Variants in UQCRB observed in about 807,000 individuals in gnomAD.
UQCRB encodes the protein cytochrome b-c1 complex subunit 7.
A neutral mutation model predicts 19.8 loss-of-function variants in UQCRB; 12 were observed. The ratio of observed to expected loss-of-function variants is 0.61; its 90% confidence interval spans 0.39 to 0.98. The LOEUF (loss-of-function observed/expected upper bound fraction) is 0.98. Among genes scored for constraint, UQCRB ranks in the 50% least tolerant of loss-of-function variants. The probability of loss-of-function intolerance (pLI) is 0.00; values close to 1 mark genes in which losing one functional copy is unlikely to be tolerated. For synonymous variants in UQCRB, 39 were observed against 42.9 expected, an observed-to-expected ratio of 0.91 and a Z score of 0.35; for missense variants, 142 against 131.8, an observed-to-expected ratio of 1.08 and a Z score of -0.38.
At position 96,229,325 on chromosome 8, in the gene UQCRB, C is replaced by A. The variant is rs1184007216; in HGVS notation, c.*1730G>T. 5 of 453,928 alleles carry A rather than the reference C, an allele frequency of 1.1e-5. No individual in the cohort carries two copies. The highest frequency in any genetic ancestry group is 1.0e-4 in the African/African-American group (5 of 49,972). The allele number at this position is 453,928 out of a possible 1,614,324, so 28.1% of individuals were successfully genotyped here. A position where few individuals can be genotyped will look rare whatever the true frequency, so the allele number is the denominator to read the frequency against. On this transcript the variant is annotated 3_prime_UTR_variant, in exon 4 of 4. Coordinates refer to ENST00000287022, the MANE Select transcript of UQCRB (RefSeq NM_006294.5). ...TTGTTCCCCTGTCCTTCAGCAGTGCCCTTAGGCTTGCTTTAAACATTAACA... is the reference window on the plus strand; with the variant it reads ...TTGTTCCCCTGTCCTTCAGCAGTGCACTTAGGCTTGCTTTAAACATTAACA...
At position 96,229,300 on chromosome 8, in the gene UQCRB, T is replaced by G. The variant is rs16918565; in HGVS notation, c.*1755A>C. 2,504 of 454,114 alleles carry G rather than the reference T, an allele frequency of 5.5e-3. 57 individuals are homozygous for G. Among genetic ancestry groups the G allele is most frequent in the African/African-American group, 0.044 (2,227 of 50,120 alleles). 28.1% of individuals were successfully genotyped at this position (454,114 alleles called of 1,614,324 possible). On this transcript the variant is annotated 3_prime_UTR_variant, in exon 4 of 4. Transcript: ENST00000287022. ...ATACCTCAGTCTTGGTCAGTTCTAT[T>G]TGTTCCCCTGTCCTTCAGCAGTGCC...
In UQCRB at chr8:96,226,866, G is replaced by A. The variant is rs2129775398; in HGVS notation, c.*4189C>T. ...CCTCTGGAATATTAACAGGCTTTCT[G>A]ACATCTATGCTAAAAATTAACCACC... On this transcript the variant is annotated 3_prime_UTR_variant, in exon 4 of 4. Transcript: ENST00000287022. 1 of 452,132 alleles carries A rather than the reference G, an allele frequency of 2.2e-6. No homozygotes were observed. The highest frequency in any genetic ancestry group is 1.6e-5 in the South Asian group (1 of 63,698). 28.0% of individuals were successfully genotyped at this position (452,132 alleles called of 1,614,324 possible). A position where few individuals can be genotyped will look rare whatever the true frequency, so the allele number is the denominator to read the frequency against.
Position 96,231,927 on chromosome 8 carries a change from A to G in UQCRB, c.105T>C (p.Asp35=). 1 of 1,613,358 alleles carries G rather than the reference A, an allele frequency of 6.2e-7. No individual in the cohort carries two copies. Among genetic ancestry groups the G allele is most frequent in the Non-Finnish European group, 8.5e-7 (1 of 1,179,998 alleles). Residue 35 remains aspartate (D), a synonymous_variant, in exon 3 of 4, where the codon GAT becomes GAC. Coordinates refer to ENST00000287022, the MANE Select transcript of UQCRB (RefSeq NM_006294.5). ...AGFNKLGLMR[D]DTIYEDEDVK... ...CATCTTCATCCTCGTATATTGTATC[A>G]TCTCGCATTAACCCTATGATAGATG...
intron 1 of UQCRB, chr8:96,233,494 G>A (rs1809724905): frequency 9.3e-6 from 4 of 432,282 alleles, no homozygotes; most frequent in Non-Finnish European, 1.7e-5. Context: ...GGCAAGTCAT[G>A]AAAGAAAAGG....
chr8:96,232,965 A>C (rs777496559), intron 2 of UQCRB, 191 bp downstream of exon 2: 2 of 588,116 alleles, frequency 3.4e-6, no homozygotes, highest in South Asian at 2.2e-5. Context: ...CTCTTCTCTC[A>C]AAAAAACTTT....
rs117580915 is a variant in UQCRB, at chr8:96,226,565, A to G, written c.*4490T>C. On this transcript the variant is annotated 3_prime_UTR_variant, in exon 4 of 4. Coordinates refer to ENST00000287022, the MANE Select transcript of UQCRB (RefSeq NM_006294.5). The stretch of plus-strand genomic sequence containing the variant: ...AAAAATTGTAAGCTGACTCCTTTGT[A>G]AAACAAATAATTATCTTTTTTTGGT... 2,436 of 235,492 alleles carry G rather than the reference A, an allele frequency of 0.01. 24 individuals are homozygous for G. Among genetic ancestry groups the G allele is most frequent in the Non-Finnish European group, 0.015 (1,798 of 118,696 alleles). The allele number at this position is 235,492 out of a possible 1,614,324, so 14.6% of individuals were successfully genotyped here. A position where few individuals can be genotyped will look rare whatever the true frequency, so the allele number is the denominator to read the frequency against.
rs758398153 is a variant in UQCRB at position 96,235,519 on chromosome 8, C to T, written c.12G>A (p.Lys4=). The change falls in exon 1 of 4, where the codon AAG becomes AAA. Residue 4 remains lysine, a synonymous_variant. Transcript: ENST00000287022. ...AGACCCCCAGTTACTTACCGGCCTG[C>T]TTACCAGCCATTTTGACCAGAAAGA... The part of the protein sequence containing the change: MAG[K]QAVSASGKWL... 5.0e-6 allele frequency: 8 copies of T among 1,614,096 alleles called. No homozygotes were observed. In the East Asian group the frequency reaches 1.6e-4, roughly 31 times the overall value.
chr8:96,235,001 C>A (rs1407359170), intron 1 of UQCRB: 1 of 230,882 alleles, frequency 4.3e-6, no homozygotes, highest in Non-Finnish European at 8.8e-6. Flanking sequence ...TTGAGAAGCG[C>A]GAGGGGTGCA....
chr8:96,229,097 T>C lies in UQCRB; in HGVS notation c.*1958A>G, dbSNP rs1374965144. ...CATAATTTATAATGAACACAAAACATTGATCTAGTGTTCAAAGAACTTTTG... is the reference window on the plus strand; with the variant it reads ...CATAATTTATAATGAACACAAAACACTGATCTAGTGTTCAAAGAACTTTTG... On this transcript the variant is annotated 3_prime_UTR_variant, in exon 4 of 4. Transcript: ENST00000287022. 4.4e-6 allele frequency: 2 copies of C among 453,936 alleles called. No individual in the cohort carries two copies. The highest frequency in any genetic ancestry group is 1.6e-5 in the South Asian group (1 of 64,486). The allele number at this position is 453,936 out of a possible 1,614,324, so 28.1% of individuals were successfully genotyped here. A position where few individuals can be genotyped will look rare whatever the true frequency, so the allele number is the denominator to read the frequency against.
rs1355613243 is a variant in UQCRB, at chr8:96,227,203, T to C, written c.*3852A>G. 1 of 453,344 alleles carries C rather than the reference T, an allele frequency of 2.2e-6. No homozygotes were observed. Among genetic ancestry groups the C allele is most frequent in the Non-Finnish European group, 4.4e-6 (1 of 226,432 alleles). The allele number at this position is 453,344 out of a possible 1,614,324, so 28.1% of individuals were successfully genotyped here. A position where few individuals can be genotyped will look rare whatever the true frequency, so the allele number is the denominator to read the frequency against. On this transcript the variant is annotated 3_prime_UTR_variant, in exon 4 of 4. Coordinates refer to ENST00000287022, the MANE Select transcript of UQCRB (RefSeq NM_006294.5). ...GAAGTAATAAAATCCTGAAACTAAA[T>C]AACATCTCATAATTCATTGCACAAC...
intron 2 of UQCRB, 52 bp downstream of exon 2, chr8:96,233,104 A>C (rs1809713616): frequency 3.8e-6 from 6 of 1,574,024 alleles, no homozygotes; most frequent in Middle Eastern, 2.0e-4. Flanking sequence ...CAAAAAAAAA[A>C]ACAAAGAAAC....
intron 1 of UQCRB, chr8:96,233,434 T>C: frequency 1.9e-6 from 1 of 538,152 alleles, no homozygotes; most frequent in Non-Finnish European, 3.2e-6. Flanking sequence ...AAAATGTTGA[T>C]AAAAAGTGCT....
At chr8:96,231,360 G>C (rs1202647622) in intron 3 of UQCRB, 1 of 1,543,636 alleles carries the variant, frequency 6.5e-7, no homozygotes, top group Non-Finnish European at 8.7e-7. Flanking sequence ...GGAAGAAAAA[G>C]AAATGAATGT....
Position 96,233,243 on chromosome 8 carries a change from C to G in UQCRB, c.20-16G>C, listed in dbSNP as rs556198728. ...GATGCTGAAACTGATAATTGTCACA[C>G]TGTTAATTGCTACAATTTAATTATA... On this transcript the variant is annotated splice_polypyrimidine_tract_variant and intron_variant, in intron 1 of 3. Coordinates refer to ENST00000287022, the MANE Select transcript of UQCRB (RefSeq NM_006294.5). 75 of 1,612,094 alleles carry G rather than the reference C, an allele frequency of 4.7e-5. 1 individual carries two copies. The East Asian group carries it at 1.2e-3, about 26-fold the overall frequency.
rs1220917338 is a variant in UQCRB at position 96,224,521 on chromosome 8, T to A, written c.*6534A>T. On this transcript the variant is annotated 3_prime_UTR_variant, in exon 4 of 4. Transcript: ENST00000287022. ...AGAAGGGACAAGAGTAGATTTAGAA[T>A]ATGCAGCACAGCCAACGTCTCACAG... Among the ~76,000 whole-genome samples the A allele has an allele frequency of 7.9e-5, 12 of 152,156 alleles. No individual in the cohort carries two copies. The highest frequency in any genetic ancestry group is 1.5e-5 in the Non-Finnish European group (1 of 68,034).
chr8:96,234,221 T>C (rs1050318813), intron 1 of UQCRB: 1 of 232,326 alleles, frequency 4.3e-6, no homozygotes, highest in African/African-American at 2.3e-5. Context: ...GAGTCATGTA[T>C]AAAACTGCTG....
rs1809496161 is a variant in UQCRB at position 96,224,549 on chromosome 8, TGAG to T, written c.*6503_*6505del. On this transcript the variant is annotated 3_prime_UTR_variant, in exon 4 of 4. Transcript: ENST00000287022. ...GCAGCACAGCCAACGTCTCACAGAA[TGAG>T]AAGCCACAGAAGGGGCTGATTACCA... Among the ~76,000 whole-genome samples the T allele has an allele frequency of 6.6e-6, 1 of 152,170 alleles. No individual in the cohort carries two copies. The highest frequency in any genetic ancestry group is 2.1e-4 in the South Asian group (1 of 4,822).
chr8:96,231,952 G>T lies in UQCRB; in HGVS notation c.92-12C>A. On this transcript the variant is annotated splice_polypyrimidine_tract_variant and intron_variant, in intron 2 of 3. Transcript: ENST00000287022. Reference sequence around the variant, plus strand: ...ATCTCGCATTAACCCTATGATAGATGACAAAGTTAGATTGCACATGCATCT... The same window carrying T: ...ATCTCGCATTAACCCTATGATAGATTACAAAGTTAGATTGCACATGCATCT... The T allele has an allele frequency of 6.2e-7, 1 of 1,611,360 alleles. No homozygotes were observed. Among genetic ancestry groups the T allele is most frequent in the Non-Finnish European group, 8.5e-7 (1 of 1,179,650 alleles).
chr8:96,227,880 A>G lies in UQCRB; in HGVS notation c.*3175T>C, dbSNP rs747405125. On this transcript the variant is annotated 3_prime_UTR_variant, in exon 4 of 4. Transcript: ENST00000287022. ...TAAGATTCTAGAATTTAAAAACAGG[A>G]AAAGGTGCCATTAGTAAAAACTCCA... The G allele has an allele frequency of 1.6e-4, 71 of 454,158 alleles. No individual in the cohort carries two copies. Among genetic ancestry groups the G allele is most frequent in the Non-Finnish European group, 2.7e-4 (61 of 226,800 alleles). 28.1% of individuals were successfully genotyped at this position (454,158 alleles called of 1,614,324 possible). A position where few individuals can be genotyped will look rare whatever the true frequency, so the allele number is the denominator to read the frequency against.
Sources: allele counts gnomAD v4.1 joint callset (sites outside exome capture counted in the v4.1 genomes callset), GRCh38; gene constraint gnomAD v4.1.1; transcripts MANE v1.5; gene names NCBI Gene and HGNC (gene_info 2026-07-23, HGNC 2026-07-21).